The following TTC28 variants were observed in gnomAD, a reference collection of about 807,000 sequenced individuals.
The protein encoded by TTC28 is tetratricopeptide repeat domain 28.
In TTC28, 61 loss-of-function variants were observed where a neutral mutation model predicts 198.0. The ratio of observed to expected loss-of-function variants is 0.31; its 90% confidence interval spans 0.25 to 0.38. The LOEUF (loss-of-function observed/expected upper bound fraction) is 0.38. Among genes scored for constraint, TTC28 ranks in the 10% least tolerant of loss-of-function variants. TTC28 has a pLI of 1.00. For synonymous variants in TTC28, 1,171 were observed against 1,297.8 expected (o/e 0.90, Z 2.10); for missense variants, 2,678 against 3,164.0 (o/e 0.85, Z 3.69).
intron 2 of TTC28, among the ~76,000 whole-genome samples, chr22:28,608,334 C>T (rs2050765881): frequency 6.6e-6 from 1 of 152,160 alleles, no homozygotes; most frequent in Non-Finnish European, 1.5e-5. Context: ...CACTATTTGA[C>T]CTGTCTGGCA....
intron 20 of TTC28, 96 bp downstream of exon 20, chr22:27,990,693 C>G: frequency 8.1e-7 from 1 of 1,237,490 alleles, no homozygotes; most frequent in Non-Finnish European, 1.1e-6. Context: ...TTTGACAGCA[C>G]GTGCACCCCG....
rs1940072836 is a variant in TTC28 at position 28,051,197 on chromosome 22, TAAAACTG to T, written c.3933-20838_3933-20832del. Among the ~76,000 whole-genome samples, 4 of 152,180 alleles carry T rather than the reference TAAAACTG, an allele frequency of 2.6e-5. No homozygotes were observed. In the South Asian group the frequency reaches 8.3e-4, roughly 31 times the overall value. On this transcript the variant is annotated intron_variant, in intron 12 of 22. Transcript: ENST00000397906. ...TCCCTAGATCTTTTGTAAAACCACCTAAAACTGAACAAGTCAGAGGGAGAGTGTGACT... is the reference window on the plus strand; with the variant it reads ...TCCCTAGATCTTTTGTAAAACCACCTAACAAGTCAGAGGGAGAGTGTGACT...
chr22:28,547,752 G>A (rs2049575598), intron 2 of TTC28, among the ~76,000 whole-genome samples: 1 of 150,566 alleles, frequency 6.6e-6, no homozygotes, highest in Non-Finnish European at 1.5e-5. Context: ...TTAATGCTGA[G>A]GCATGTTAAA....
At chr22:28,660,815 C>T (rs191773176) in intron 1 of TTC28, among the ~76,000 whole-genome samples, 79 of 149,178 alleles carry the variant, frequency 5.3e-4, no homozygotes, top group African/African-American at 1.8e-3. Context: ...TGAGCCACCG[C>T]GGCTGGCCAA....
At chr22:28,659,993 T>C (rs1352149724) in intron 1 of TTC28, among the ~76,000 whole-genome samples, 1 of 151,514 alleles carries the variant, frequency 6.6e-6, no homozygotes, top group Non-Finnish European at 1.5e-5. Flanking sequence ...TGGGGTTTCA[T>C]CATGTTGCCC....
intron 11 of TTC28, among the ~76,000 whole-genome samples, chr22:28,095,684 T>C (rs1489070436): frequency 6.6e-6 from 1 of 152,218 alleles, no homozygotes; most frequent in East Asian, 1.9e-4. Context: ...TTTTTACTTC[T>C]GAAATAGATT....
At chr22:28,422,655 C>T (rs1469803810) in intron 2 of TTC28, among the ~76,000 whole-genome samples, 2 of 151,914 alleles carry the variant, frequency 1.3e-5, no homozygotes, top group Non-Finnish European at 2.9e-5. Flanking sequence ...CCGTGTTAGC[C>T]AAGATGGTCT....
chr22:28,126,293 G>T (rs1203369536), intron 6 of TTC28, among the ~76,000 whole-genome samples: 2 of 152,236 alleles, frequency 1.3e-5, no homozygotes, highest in East Asian at 3.9e-4. Flanking sequence ...CATCACAAAC[G>T]TAACTATGGC....
chr22:28,577,149 G>A (rs2050163910), intron 2 of TTC28, among the ~76,000 whole-genome samples: 1 of 152,004 alleles, frequency 6.6e-6, no homozygotes, highest in African/African-American at 2.4e-5. Context: ...CTGTATCCCA[G>A]AGACAATGGT....
At chr22:28,164,262 T>A (rs1921608207) in intron 5 of TTC28, among the ~76,000 whole-genome samples, 1 of 152,124 alleles carries the variant, frequency 6.6e-6, no homozygotes, top group Non-Finnish European at 1.5e-5. Context: ...TCTGCAGACT[T>A]AAATGTCCCT....
intron 12 of TTC28, among the ~76,000 whole-genome samples, chr22:28,084,370 C>A (rs1015846466): frequency 2.6e-5 from 4 of 152,168 alleles, no homozygotes; most frequent in Non-Finnish European, 4.4e-5. Flanking sequence ...CGCTGTTCTG[C>A]AGCCACCGCT....
At chr22:28,115,200 A>C (rs1444569087) in intron 6 of TTC28, among the ~76,000 whole-genome samples, 1 of 152,014 alleles carries the variant, frequency 6.6e-6, no homozygotes, top group African/African-American at 2.4e-5. Context: ...CCAGCCTGTG[A>C]CCCGGGCTGA....
At chr22:28,365,869 T>C (rs188594276) in intron 2 of TTC28, among the ~76,000 whole-genome samples, 12 of 152,232 alleles carry the variant, frequency 7.9e-5, no homozygotes, top group African/African-American at 2.9e-4. Context: ...ATCCTTCTCA[T>C]AGGGAATAGG....
chr22:28,197,127 T>G (rs947532646), intron 5 of TTC28, among the ~76,000 whole-genome samples: 9 of 151,984 alleles, frequency 5.9e-5, no homozygotes, highest in African/African-American at 2.2e-4. Flanking sequence ...TGTAGGGACA[T>G]GGATGAAGCT....
chr22:28,185,387 C>T (rs1049376128), intron 5 of TTC28, among the ~76,000 whole-genome samples: 2 of 152,100 alleles, frequency 1.3e-5, no homozygotes, highest in Non-Finnish European at 2.9e-5. Context: ...ACAGGAGCTG[C>T]TATTATGTTT....
intron 2 of TTC28, among the ~76,000 whole-genome samples, chr22:28,320,814 T>C (rs1041210997): frequency 7.2e-5 from 11 of 152,176 alleles, no homozygotes; most frequent in Non-Finnish European, 1.5e-4. Flanking sequence ...AACTAAATAA[T>C]GGTGTTTTCT....
chr22:28,469,840 T>G (rs1319213353), intron 2 of TTC28, among the ~76,000 whole-genome samples: 1 of 152,128 alleles, frequency 6.6e-6, no homozygotes, highest in East Asian at 1.9e-4. Context: ...TTTTATTTAC[T>G]TATTTATTTT....
At chr22:28,285,685 A>G (rs2044671100) in intron 5 of TTC28, among the ~76,000 whole-genome samples, 1 of 152,218 alleles carries the variant, frequency 6.6e-6, no homozygotes, top group South Asian at 2.1e-4. Flanking sequence ...TTGAATACAT[A>G]TAATTTGTAT....
intron 2 of TTC28, among the ~76,000 whole-genome samples, chr22:28,360,895 T>A (rs936351414): frequency 2.0e-5 from 3 of 152,154 alleles, no homozygotes; most frequent in African/African-American, 7.2e-5. Context: ...ATTATTATTA[T>A]ATCTGTTATG....
Sources: allele counts gnomAD v4.1 joint callset (sites outside exome capture counted in the v4.1 genomes callset), GRCh38; gene constraint gnomAD v4.1.1; transcripts MANE v1.5; gene names NCBI Gene and HGNC (gene_info 2026-07-23, HGNC 2026-07-21).